The following SLC13A4 variants were observed in gnomAD, a reference collection of about 807,000 sequenced individuals.
SLC13A4 encodes Na(+)/sulfate cotransporter SUT-1.
Under a neutral mutation model 72.7 loss-of-function variants are expected in SLC13A4, and 28 were observed. The observed-to-expected ratio is 0.39, with a 90% confidence interval of 0.29 to 0.53. SLC13A4 has a LOEUF of 0.53. Among genes scored for constraint, SLC13A4 ranks in the 20% least tolerant of loss-of-function variants. The pLI is 0.78. For missense variants in SLC13A4, 653 were observed against 788.0 expected, an observed-to-expected ratio of 0.83 and a Z score of 2.05; for synonymous variants, 312 against 325.5, an observed-to-expected ratio of 0.96 and a Z score of 0.45.
chr7:135,706,847 G>A (rs893908099), intron 3 of SLC13A4, among the ~76,000 whole-genome samples: 6 of 152,176 alleles, frequency 3.9e-5, no homozygotes, highest in African/African-American at 1.4e-4. Context: ...GAAGTGTCCC[G>A]TGTCACTGTG....
chr7:135,713,906 G>A (rs1304623488), intron 2 of SLC13A4, among the ~76,000 whole-genome samples: 1 of 152,208 alleles, frequency 6.6e-6, no homozygotes, highest in Non-Finnish European at 1.5e-5. Context: ...GAAATTCTCT[G>A]AACCCTGGGA....
chr7:135,701,927 GC>G (rs1215852210), intron 6 of SLC13A4, 167 bp from the exon 7 acceptor site: 12 of 568,676 alleles, frequency 2.1e-5, no homozygotes, highest in Middle Eastern at 4.6e-4. Context: ...AGCCAGGCCT[GC>G]CCCGCCCAGC....
intron 2 of SLC13A4, among the ~76,000 whole-genome samples, chr7:135,716,288 C>A (rs1359140048): frequency 6.6e-6 from 1 of 152,142 alleles, no homozygotes; most frequent in Non-Finnish European, 1.5e-5. Flanking sequence ...CTGGACACAT[C>A]ATTTATTAAT....
intron 15 of SLC13A4, chr7:135,683,240 A>C (rs1348019855): frequency 1.3e-5 from 5 of 388,490 alleles, no homozygotes; most frequent in Non-Finnish European, 1.7e-5. Flanking sequence ...CAGAGGTTGC[A>C]GTGAGCCGAG....
intron 2 of SLC13A4, among the ~76,000 whole-genome samples, chr7:135,719,005 C>T (rs560680279): frequency 6.6e-6 from 1 of 152,328 alleles, no homozygotes; most frequent in East Asian, 1.9e-4. Flanking sequence ...CTCCCTGTAG[C>T]CCAACTACTA....
intron 2 of SLC13A4, among the ~76,000 whole-genome samples, chr7:135,710,814 C>T (rs1256188039): frequency 6.6e-6 from 1 of 152,198 alleles, no homozygotes; most frequent in Non-Finnish European, 1.5e-5. Flanking sequence ...CTCACTGTGA[C>T]CATTTCCTGG....
chr7:135,706,097 C>A, intron 4 of SLC13A4, 31 bp downstream of exon 4: 1 of 1,546,336 alleles, frequency 6.5e-7, no homozygotes, highest in South Asian at 1.2e-5. Context: ...GTTGGAGGAG[C>A]AAAGGAGAGA....
At chr7:135,718,402 A>G (rs960302619) in intron 2 of SLC13A4, among the ~76,000 whole-genome samples, 11 of 152,076 alleles carry the variant, frequency 7.2e-5, no homozygotes, top group African/African-American at 2.4e-4. Flanking sequence ...TTACTGACAC[A>G]TTGTCAAGAA....
chr7:135,719,294 A>G (rs145931500), intron 2 of SLC13A4, among the ~76,000 whole-genome samples: 2 of 152,352 alleles, frequency 1.3e-5, no homozygotes, highest in African/African-American at 4.8e-5. Flanking sequence ...TTGGAGAAAC[A>G]GAGACACTGT....
intron 2 of SLC13A4, among the ~76,000 whole-genome samples, chr7:135,714,828 C>T (rs1302635317): frequency 1.3e-5 from 2 of 152,244 alleles, no homozygotes; most frequent in Non-Finnish European, 2.9e-5. Context: ...GCGGCAGCGG[C>T]TGCGGGTTAT....
rs764887352 is a variant in SLC13A4 at position 135,714,710 on chromosome 7, A to G, written c.229-6460T>C. Among the ~76,000 whole-genome samples, 22 of 152,232 alleles carry G rather than the reference A, an allele frequency of 1.4e-4. 1 individual carries two copies. The highest frequency in any genetic ancestry group is 2.9e-4 in the Non-Finnish European group (20 of 68,040). ...TATGAAATGCCCCCAGGCTTACTCA[A>G]ACAGAGAAAGTCAGGGTAACGAGTC... On this transcript the variant is annotated intron_variant, in intron 2 of 15. Coordinates refer to ENST00000682651, the MANE Select transcript of SLC13A4 (RefSeq NM_001318192.2).
chr7:135,723,897 C>CAG (rs1421526087), intron 1 of SLC13A4, among the ~76,000 whole-genome samples: 1 of 151,924 alleles, frequency 6.6e-6, no homozygotes, highest in Non-Finnish European at 1.5e-5. Flanking sequence ...GATAAGACAA[C>CAG]AGAACCAATG....
At chr7:135,692,076 A>G in intron 11 of SLC13A4, 1 of 524,842 alleles carries the variant, frequency 1.9e-6, no homozygotes, top group East Asian at 3.4e-5. Flanking sequence ...ATAACCACCT[A>G]TGAGGTAACC....
chr7:135,691,593 A>C lies in SLC13A4; in HGVS notation c.1276T>G (p.Phe426Val). 5.6e-6 allele frequency: 9 copies of C among 1,614,010 alleles called. No homozygotes were observed. Among genetic ancestry groups the C allele is most frequent in the Non-Finnish European group, 7.6e-6 (9 of 1,179,868 alleles). ...TVSVFLGFLL[F>V]LIPAKKPCFG... ...CAGGGCTTCTTCGCTGGAATGAGGA[A>C]GAGGAGGAAGCCAAGGAAGACAGAG... is the stretch of plus-strand genomic sequence containing the variant. The change falls in exon 12 of 16, where the codon TTC (phenylalanine) becomes GTC (valine). Residue 426 changes from phenylalanine (F) to valine (V), a missense_variant. Physicochemically the swap from Phe to Val is conservative, Grantham distance 50. Coordinates refer to ENST00000682651, the MANE Select transcript of SLC13A4 (RefSeq NM_001318192.2).
chr7:135,702,761 T>C, intron 6 of SLC13A4, 84 bp downstream of exon 6: 1 of 1,121,032 alleles, frequency 8.9e-7, no homozygotes, highest in Non-Finnish European at 1.4e-6. Context: ...GTTGAAAATC[T>C]GGTTCTGAAT....
intron 2 of SLC13A4, among the ~76,000 whole-genome samples, chr7:135,715,396 C>T (rs1238574603): frequency 2.4e-5 from 3 of 127,598 alleles, no homozygotes; most frequent in Admixed American, 8.2e-5. Flanking sequence ...TATGTGTGAA[C>T]ATGTGTGTAT....
Position 135,724,384 on chromosome 7 carries a change from C to T in SLC13A4, c.100-2861G>A. On this transcript the variant is annotated intron_variant, in intron 1 of 15. Transcript: ENST00000682651. ...TGGTGGCACATGCCTGTAATCCTAGCTGCTCTGGAGGCTGAGGCAGGAGAA... is the reference window on the plus strand; with the variant it reads ...TGGTGGCACATGCCTGTAATCCTAGTTGCTCTGGAGGCTGAGGCAGGAGAA... 1.3e-5 allele frequency among the ~76,000 whole-genome samples: 2 copies of T among 151,678 alleles called. 1 individual carries two copies. Among genetic ancestry groups the T allele is most frequent in the Admixed American group, 1.3e-4 (2 of 15,184 alleles).
intron 2 of SLC13A4, among the ~76,000 whole-genome samples, chr7:135,720,020 A>G (rs1364041651): frequency 6.6e-6 from 1 of 151,998 alleles, no homozygotes; most frequent in Non-Finnish European, 1.5e-5. Context: ...CAAACAAAAA[A>G]CTAGTCAGTT....
chr7:135,701,807 G>T (rs772019705), intron 6 of SLC13A4, 47 bp from the exon 7 acceptor site: 1 of 1,588,554 alleles, frequency 6.3e-7, no homozygotes, highest in South Asian at 1.1e-5. Context: ...GAAGTGGTGA[G>T]CCAGGTGCCT....
Sources: allele counts gnomAD v4.1 joint callset (sites outside exome capture counted in the v4.1 genomes callset), GRCh38; gene constraint gnomAD v4.1.1; transcripts MANE v1.5; gene names NCBI Gene and HGNC (gene_info 2026-07-23, HGNC 2026-07-21).